Variants in KCNJ6 observed in about 807,000 individuals in gnomAD.
The protein encoded by KCNJ6 is G protein-activated inward rectifier potassium channel 2.
KCNJ6 carries 9 observed loss-of-function variants against 34.2 expected under a neutral mutation model. That is an observed-to-expected ratio of 0.26 (90% CI 0.16 to 0.46). KCNJ6 has a LOEUF of 0.46. Among genes scored for constraint, KCNJ6 ranks in the 20% least tolerant of loss-of-function variants. The pLI is 1.00. For synonymous variants in KCNJ6, 196 were observed against 207.1 expected (o/e 0.95, Z 0.46); for missense variants, 236 against 531.3 (o/e 0.44, Z 5.46).
chr21:37,700,796 A>G (rs1012245990), intron 3 of KCNJ6, among the ~76,000 whole-genome samples: 4 of 152,134 alleles, frequency 2.6e-5, no homozygotes, highest in Non-Finnish European at 5.9e-5. Flanking sequence ...GTACAGCTAT[A>G]TAGACCTATT....
At chr21:37,889,547 T>C (rs906120209) in intron 1 of KCNJ6, among the ~76,000 whole-genome samples, 22 of 152,162 alleles carry the variant, frequency 1.4e-4, no homozygotes, top group Non-Finnish European at 2.8e-4. Context: ...AGGGCTGCCA[T>C]GACAAAGTAC....
At position 37,791,478 on chromosome 21, in the gene KCNJ6, G is replaced by A. The variant is rs575468587; in HGVS notation, c.25+49180C>T. Among the ~76,000 whole-genome samples, 47 of 152,336 alleles carry A rather than the reference G, an allele frequency of 3.1e-4. No homozygotes were observed. The South Asian group carries it at 9.7e-3, about 32-fold the overall frequency. On this transcript the variant is annotated intron_variant, in intron 2 of 3. Coordinates refer to ENST00000609713, the MANE Select transcript of KCNJ6 (RefSeq NM_002240.5). Reference sequence around the variant, plus strand: ...ACAAGCACATTGTCCCCTGACAAGAGGAAAGAAAGGTTTCAAGAGCCCCTT... The same window carrying A: ...ACAAGCACATTGTCCCCTGACAAGAAGAAAGAAAGGTTTCAAGAGCCCCTT...
intron 2 of KCNJ6, among the ~76,000 whole-genome samples, chr21:37,796,167 T>C: frequency 6.6e-6 from 1 of 152,162 alleles, no homozygotes; most frequent in Non-Finnish European, 1.5e-5. Flanking sequence ...CCTGCCATTT[T>C]TTATGGCCCT....
chr21:37,656,704 C>T (rs2054465856), intron 3 of KCNJ6, among the ~76,000 whole-genome samples: 1 of 152,174 alleles, frequency 6.6e-6, no homozygotes, highest in African/African-American at 2.4e-5. Context: ...AGATCAGACC[C>T]TTGGCTTGCC....
chr21:37,709,284 G>A (rs1172446923), intron 3 of KCNJ6, among the ~76,000 whole-genome samples: 2 of 152,200 alleles, frequency 1.3e-5, no homozygotes, highest in African/African-American at 2.4e-5. Context: ...GGCCAAGGTG[G>A]GTGGATCACC....
intron 1 of KCNJ6, among the ~76,000 whole-genome samples, chr21:37,879,236 C>T (rs1380088397): frequency 2.6e-5 from 4 of 152,110 alleles, no homozygotes; most frequent in Non-Finnish European, 5.9e-5. Context: ...TTATGACTAA[C>T]TCCATAGAGA....
intron 2 of KCNJ6, among the ~76,000 whole-genome samples, chr21:37,766,871 A>T (rs2123500229): frequency 6.6e-6 from 1 of 152,306 alleles, no homozygotes; most frequent in East Asian, 1.9e-4. Context: ...CACGAACCCT[A>T]CTGTGAACTG....
chr21:37,867,633 G>A (rs961156127), intron 1 of KCNJ6, among the ~76,000 whole-genome samples: 3 of 152,142 alleles, frequency 2.0e-5, no homozygotes, highest in South Asian at 2.1e-4. Context: ...TAATAAAAGC[G>A]ACAATAATAG....
chr21:37,607,482 A>ATATATATATATATATATATATATTTT lies in KCNJ6; in HGVS notation c.*17676_*17677insAAAATATATATATATATATATATATA. The ATATATATATATATATATATATATTTT allele has an allele frequency of 3.7e-5, 5 of 136,756 alleles. No individual in the cohort carries two copies. The highest frequency in any genetic ancestry group is 4.6e-4 in the East Asian group (2 of 4,382). The allele number at this position is 136,756 out of a possible 1,614,324, so 8.5% of individuals were successfully genotyped here. ...CTTAAAGATATATATATATATATAT[A>ATATATATATATATATATATATATTTT]TTTTTTTTTTATTTTAAAAAAATTT... On this transcript the variant is annotated 3_prime_UTR_variant, in exon 4 of 4. Transcript: ENST00000609713.
intron 2 of KCNJ6, among the ~76,000 whole-genome samples, chr21:37,796,143 T>C (rs2055240639): frequency 6.6e-6 from 1 of 152,156 alleles, no homozygotes; most frequent in South Asian, 2.1e-4. Flanking sequence ...CGTGGTTGCA[T>C]CCAGCGCTTT....
intron 1 of KCNJ6, among the ~76,000 whole-genome samples, chr21:37,885,436 G>A (rs2055730540): frequency 6.6e-6 from 1 of 152,206 alleles, no homozygotes; most frequent in African/African-American, 2.4e-5. Flanking sequence ...AGAGACTTCT[G>A]AGAAGAAGAG....
rs79517420 is a variant in KCNJ6 at position 37,682,194 on chromosome 21, A to T, written c.946+32017T>A. Among the ~76,000 whole-genome samples, 1,158 of 152,182 alleles carry T rather than the reference A, an allele frequency of 7.6e-3. 18 individuals carry two copies. The highest frequency in any genetic ancestry group is 0.027 in the African/African-American group (1,108 of 41,494). On this transcript the variant is annotated intron_variant, in intron 3 of 3. Transcript: ENST00000609713. Reference sequence around the variant, plus strand: ...GAACAATAAAAAATCATTCCTTCCCATTTCTGGAGGCCAGAAGTCTGAAAT... The same window carrying T: ...GAACAATAAAAAATCATTCCTTCCCTTTTCTGGAGGCCAGAAGTCTGAAAT...
intron 2 of KCNJ6, among the ~76,000 whole-genome samples, chr21:37,784,683 T>C (rs1365555389): frequency 6.6e-6 from 1 of 151,992 alleles, no homozygotes; most frequent in Non-Finnish European, 1.5e-5. Flanking sequence ...ACCCCTCTGC[T>C]TGGGGGCCCA....
chr21:37,733,230 A>G (rs1016886639), intron 2 of KCNJ6, among the ~76,000 whole-genome samples: 1 of 152,192 alleles, frequency 6.6e-6, no homozygotes, highest in Non-Finnish European at 1.5e-5. Context: ...TTTTACTTAA[A>G]CGTGGCTTAA....
chr21:37,810,149 A>G (rs942831977), intron 2 of KCNJ6, among the ~76,000 whole-genome samples: 1 of 152,162 alleles, frequency 6.6e-6, no homozygotes, highest in African/African-American at 2.4e-5. Context: ...ACACAAACAC[A>G]CAAAATTTTT....
At position 37,612,350 on chromosome 21, in the gene KCNJ6, A is replaced by G. The variant is rs770725925; in HGVS notation, c.*12809T>C. ...GAAAACTACAAAACTGGTGAATGAT[A>G]TCAAAGAAGAACTAAGTAAATACAG... On this transcript the variant is annotated 3_prime_UTR_variant, in exon 4 of 4. Transcript: ENST00000609713. 2.0e-5 allele frequency: 3 copies of G among 152,256 alleles called. No homozygotes were observed. The highest frequency in any genetic ancestry group is 2.9e-5 in the Non-Finnish European group (2 of 68,044). 9.4% of individuals were successfully genotyped at this position (152,256 alleles called of 1,614,324 possible).
At chr21:37,835,991 T>G (rs2123573117) in intron 2 of KCNJ6, among the ~76,000 whole-genome samples, 1 of 152,210 alleles carries the variant, frequency 6.6e-6, no homozygotes, top group East Asian at 1.9e-4. Flanking sequence ...TCTATCCATC[T>G]GACAAAGGGC....
At chr21:37,657,192 G>A (rs190869337) in intron 3 of KCNJ6, among the ~76,000 whole-genome samples, 2 of 152,240 alleles carry the variant, frequency 1.3e-5, no homozygotes, top group African/African-American at 2.4e-5. Context: ...CTCCTCCAAC[G>A]GCCCTGATCC....
intron 3 of KCNJ6, among the ~76,000 whole-genome samples, chr21:37,697,734 C>G (rs1327980930): frequency 6.6e-6 from 1 of 152,144 alleles, no homozygotes; most frequent in East Asian, 1.9e-4. Context: ...GTTAATGGTG[C>G]CTTTCTGCAT....
Sources: gnomAD v4.1 joint callset for allele counts (sites outside exome capture counted in the v4.1 genomes callset) on GRCh38, gnomAD v4.1.1 for gene constraint, MANE v1.5 for transcripts, NCBI Gene and HGNC (gene_info 2026-07-23, HGNC 2026-07-21) for gene names.